PCYT1B: variants seen among roughly 807,000 people sequenced by gnomAD.
PCYT1B encodes choline-phosphate cytidylyltransferase B.
PCYT1B carries 10 observed loss-of-function variants against 26.4 expected under a neutral mutation model. The observed-to-expected ratio is 0.38, with a 90% CI of 0.23 to 0.64. The LOEUF (loss-of-function observed/expected upper bound fraction) is 0.64, where lower values mean the gene tolerates loss of function less well. Among genes scored for constraint, PCYT1B ranks in the 30% least tolerant of loss-of-function variants. PCYT1B has a pLI of 0.56. For synonymous variants in PCYT1B, 131 were observed against 108.4 expected, an observed-to-expected ratio of 1.21 and a Z score of -1.29; for missense variants, 161 against 292.7, an observed-to-expected ratio of 0.55 and a Z score of 3.28.
At chrX:24,640,362 C>G (rs1346805905) in intron 1 of PCYT1B, among the ~76,000 whole-genome samples, 1 of 112,437 alleles carries the variant, frequency 8.9e-6, no homozygotes, top group African/African-American at 3.2e-5. Context: ...GTCCCTTGAT[C>G]TCCCAGTTAT....
chrX:24,644,785 G>T (rs1926571275), intron 1 of PCYT1B, among the ~76,000 whole-genome samples: 1 of 112,106 alleles, frequency 8.9e-6, no homozygotes, highest in Non-Finnish European at 1.9e-5. Context: ...ACTTGGCCAG[G>T]TGCAGTGGGT....
chrX:24,583,302 T>A, intron 5 of PCYT1B, among the ~76,000 whole-genome samples: 1 of 110,244 alleles, frequency 9.1e-6, no homozygotes, highest in Middle Eastern at 4.7e-3. Flanking sequence ...TGCAACTGAG[T>A]GCCATGATCA....
intron 6 of PCYT1B, 105 bp downstream of exon 6, chrX:24,579,211 G>T: frequency 1.4e-6 from 1 of 698,214 alleles, no homozygotes; most frequent in Non-Finnish European, 2.1e-6. Context: ...GAGAGAGAGA[G>T]AGGGAGAACA....
chrX:24,652,695 G>A (rs1926809419), intron 1 of PCYT1B, among the ~76,000 whole-genome samples: 1 of 111,801 alleles, frequency 8.9e-6, no homozygotes, highest in East Asian at 2.8e-4. Context: ...AGGAAGCCAA[G>A]CCATAGAGAC....
Position 24,559,854 on chromosome X carries a change from T to A in PCYT1B, c.*2439A>T, listed in dbSNP as rs1182386548. 9.0e-6 allele frequency: 1 copy of A among 111,464 alleles called. No homozygotes were observed. Among genetic ancestry groups the A allele is most frequent in the East Asian group, 2.8e-4 (1 of 3,555 alleles). The allele number at this position is 111,464 out of a possible 1,213,427, so 9.2% of individuals were successfully genotyped here. A position where few individuals can be genotyped will look rare whatever the true frequency, so the allele number is the denominator to read the frequency against. ...AAGTATCAAAAGTTGGGTTGTAGAA[T>A]CCTTCCCATTCCTTCTCAGTAGATT... is the stretch of plus-strand genomic sequence containing the variant. On this transcript the variant is annotated 3_prime_UTR_variant, in exon 8 of 8. Coordinates refer to ENST00000379144, the MANE Select transcript of PCYT1B (RefSeq NM_004845.5).
chrX:24,642,414 C>G (rs752841615), intron 1 of PCYT1B, among the ~76,000 whole-genome samples: 14 of 112,588 alleles, frequency 1.2e-4, no homozygotes, highest in Admixed American at 6.6e-4. Flanking sequence ...TACATGCACT[C>G]TTTTGATTTC....
intron 1 of PCYT1B, among the ~76,000 whole-genome samples, chrX:24,620,855 C>T (rs1925680291): frequency 8.9e-6 from 1 of 111,857 alleles, no homozygotes; most frequent in Admixed American, 9.5e-5. Flanking sequence ...TCTGTCCCAC[C>T]CCCACTGACT....
intron 1 of PCYT1B, among the ~76,000 whole-genome samples, chrX:24,660,011 G>T (rs954294350): frequency 1.8e-5 from 2 of 111,709 alleles, no homozygotes; most frequent in East Asian, 5.6e-4. Flanking sequence ...TCTCAACCTT[G>T]GTTGTGCATT....
At chrX:24,662,474 G>A (rs768520970) in intron 1 of PCYT1B, among the ~76,000 whole-genome samples, 2 of 111,312 alleles carry the variant, frequency 1.8e-5, no homozygotes, top group East Asian at 5.7e-4. Flanking sequence ...GCTCTGCCCC[G>A]GCACCCTGAT....
chrX:24,646,132 C>T (rs930503688), intron 1 of PCYT1B, among the ~76,000 whole-genome samples: 5 of 111,461 alleles, frequency 4.5e-5, no homozygotes, highest in African/African-American at 9.8e-5. Flanking sequence ...CACAAGACTT[C>T]GGACCACAGA....
chrX:24,599,436 G>GA (rs1362114180), intron 3 of PCYT1B, among the ~76,000 whole-genome samples: 2 of 111,598 alleles, frequency 1.8e-5, no homozygotes, highest in African/African-American at 6.5e-5. Context: ...CTATGACAAG[G>GA]AAAAAATAGG....
intron 2 of PCYT1B, 109 bp from the exon 3 acceptor site, chrX:24,607,970 T>C (rs1925190355): frequency 2.2e-6 from 1 of 454,022 alleles, no homozygotes; most frequent in Non-Finnish European, 3.9e-6. Context: ...CTACATACCA[T>C]CAGTTTCATA....
intron 2 of PCYT1B, among the ~76,000 whole-genome samples, chrX:24,613,398 A>G (rs1925370486): frequency 8.9e-6 from 1 of 112,133 alleles, no homozygotes; most frequent in Non-Finnish European, 1.9e-5. Context: ...CATTGCTACT[A>G]GCTAATGATA....
At chrX:24,639,328 C>T (rs747052645) in intron 1 of PCYT1B, among the ~76,000 whole-genome samples, 1 of 112,424 alleles carries the variant, frequency 8.9e-6, no homozygotes, top group Non-Finnish European at 1.9e-5. Context: ...GCAAAACTGA[C>T]ACTGGAACAA....
chrX:24,663,530 T>C (rs1927068854), intron 1 of PCYT1B, among the ~76,000 whole-genome samples: 2 of 112,510 alleles, frequency 1.8e-5, no homozygotes, highest in Admixed American at 1.9e-4. Flanking sequence ...TCTGGACAAG[T>C]AATTTTGATC....
chrX:24,631,115 G>A (rs952898815), intron 1 of PCYT1B, among the ~76,000 whole-genome samples: 29 of 111,123 alleles, frequency 2.6e-4, no homozygotes, highest in Non-Finnish European at 3.6e-4. Context: ...GTAGAGACGG[G>A]GTTTCACCAT....
At chrX:24,631,157 C>G (rs1926077152) in intron 1 of PCYT1B, among the ~76,000 whole-genome samples, 1 of 111,178 alleles carries the variant, frequency 9.0e-6, no homozygotes, top group African/African-American at 3.3e-5. Flanking sequence ...CTCCTGACCT[C>G]GTGATCCGCC....
Position 24,562,245 on chromosome X carries a change from G to A in PCYT1B, c.*48C>T, listed in dbSNP as rs369012551. On this transcript the variant is annotated 3_prime_UTR_variant, in exon 8 of 8. Coordinates refer to ENST00000379144, the MANE Select transcript of PCYT1B (RefSeq NM_004845.5). ...CCACCCAGGCAACCCTGTGACTCTC[G>A]CCCTCCTCCCCATCCTGCATGGTGC... 11 of 1,166,079 alleles carry A rather than the reference G, an allele frequency of 9.4e-6. No individual in the cohort carries two copies. Among genetic ancestry groups the A allele is most frequent in the Admixed American group, 2.5e-5 (1 of 40,239 alleles).
At chrX:24,588,875 G>C (rs1305739900) in intron 4 of PCYT1B, among the ~76,000 whole-genome samples, 2 of 110,949 alleles carry the variant, frequency 1.8e-5, no homozygotes, top group East Asian at 5.6e-4. Flanking sequence ...CAATTAGTAC[G>C]GAGTATATCC....
Sources: allele counts gnomAD v4.1 joint callset (sites outside exome capture counted in the v4.1 genomes callset), GRCh38; gene constraint gnomAD v4.1.1; transcripts MANE v1.5; gene names NCBI Gene and HGNC (gene_info 2026-07-23, HGNC 2026-07-21).